NCKAP5: variants seen among roughly 807,000 people sequenced by gnomAD.
The protein encoded by NCKAP5 is nck-associated protein 5.
NCKAP5 carries 92 observed loss-of-function variants against 167.0 expected under a neutral mutation model. The observed-to-expected ratio is 0.55, with a 90% CI of 0.47 to 0.66. NCKAP5 has a LOEUF of 0.66. NCKAP5 is among the 30% of genes least tolerant of loss of function. The probability of loss-of-function intolerance (pLI) is 0.00; values close to 1 mark genes in which losing one functional copy is unlikely to be tolerated. For missense variants in NCKAP5, 2,378 were observed against 2,315.0 expected (o/e 1.03, Z -0.56); for synonymous variants, 891 against 877.4 (o/e 1.02, Z -0.27).
chr2:133,500,220 C>A (rs1238579871), intron 3 of NCKAP5, among the ~76,000 whole-genome samples: 3 of 152,084 alleles, frequency 2.0e-5, no homozygotes, highest in Admixed American at 6.5e-5. Context: ...ATTAATTCAA[C>A]AATAATATGA....
intron 11 of NCKAP5, among the ~76,000 whole-genome samples, chr2:132,837,503 A>C (rs1283576991): frequency 6.6e-6 from 1 of 151,860 alleles, no homozygotes; most frequent in East Asian, 1.9e-4. Flanking sequence ...TGTGGTTATC[A>C]TATTTTTAAT....
chr2:133,000,457 A>G (rs2077740963), intron 6 of NCKAP5, among the ~76,000 whole-genome samples: 1 of 152,208 alleles, frequency 6.6e-6, no homozygotes, highest in Non-Finnish European at 1.5e-5. Flanking sequence ...GGACCAGCAT[A>G]CTTCCCATAT....
chr2:132,759,241 C>T (rs1680804557), intron 16 of NCKAP5, among the ~76,000 whole-genome samples: 1 of 151,988 alleles, frequency 6.6e-6, no homozygotes, highest in African/African-American at 2.4e-5. Flanking sequence ...TTTGTCTGTC[C>T]TTTCCACTGT....
At chr2:133,431,917 G>A (rs897043541) in intron 3 of NCKAP5, 1 of 152,120 alleles carries the variant, frequency 6.6e-6, no homozygotes, top group African/African-American at 2.4e-5. Context: ...GGTGGTTACT[G>A]ATTTATAACT....
the NCKAP5 span, among the ~76,000 whole-genome samples, chr2:133,580,303 T>A: frequency 6.6e-6 from 1 of 152,212 alleles, no homozygotes; most frequent in African/African-American, 2.4e-5. Context: ...AATCCTATGT[T>A]GCAAATTATT....
intron 15 of NCKAP5, among the ~76,000 whole-genome samples, chr2:132,774,539 A>C (rs1276106265): frequency 6.6e-6 from 1 of 152,028 alleles, no homozygotes. Flanking sequence ...CAGGCACTAG[A>C]TTGGGCAGCA....
rs2083917582 is a variant in NCKAP5 at position 133,164,340 on chromosome 2, G to GT, written c.208-34230dup. The stretch of plus-strand genomic sequence containing the variant: ...ACAGGAAGAGGAAAGATGATAGAAG[G>GT]TAAAAACGAGCTCTGGAGTGAGAGC... On this transcript the variant is annotated intron_variant, in intron 5 of 19. Transcript: ENST00000409261. 2.0e-5 allele frequency among the ~76,000 whole-genome samples: 3 copies of GT among 152,270 alleles called. No individual in the cohort carries two copies. In the South Asian group the frequency reaches 6.2e-4, roughly 32 times the overall value.
At chr2:133,325,122 C>T (rs112865607) in intron 3 of NCKAP5, among the ~76,000 whole-genome samples, 23 of 152,334 alleles carry the variant, frequency 1.5e-4, no homozygotes, top group African/African-American at 5.1e-4. Flanking sequence ...TGGACGATGT[C>T]TCCTTCCATC....
intron 3 of NCKAP5, among the ~76,000 whole-genome samples, chr2:133,357,124 G>T (rs1011656618): frequency 5.3e-5 from 8 of 152,054 alleles, no homozygotes; most frequent in African/African-American, 1.9e-4. Flanking sequence ...TACTCAGAAG[G>T]GTCCCTATTA....
At chr2:133,283,595 T>G (rs937054764) in intron 4 of NCKAP5, among the ~76,000 whole-genome samples, 1 of 151,072 alleles carries the variant, frequency 6.6e-6, no homozygotes, top group South Asian at 2.1e-4. Context: ...ATTCAAAAGA[T>G]AATAAAGCTG....
the NCKAP5 span, among the ~76,000 whole-genome samples, chr2:133,589,611 T>C: frequency 1.3e-5 from 2 of 152,102 alleles, no homozygotes; most frequent in Non-Finnish European, 2.9e-5. Flanking sequence ...GAAGTCCACA[T>C]AAATAAAGAA....
chr2:132,771,420 C>CA, intron 16 of NCKAP5, among the ~76,000 whole-genome samples: 1 of 152,166 alleles, frequency 6.6e-6, no homozygotes, highest in East Asian at 1.9e-4. Flanking sequence ...ATCACAAAGT[C>CA]AAAACGTTAA....
the NCKAP5 span, among the ~76,000 whole-genome samples, chr2:133,654,444 G>C: frequency 6.6e-6 from 1 of 152,020 alleles, no homozygotes; most frequent in Non-Finnish European, 1.5e-5. Flanking sequence ...GGATTATCAA[G>C]ATGACATAAA....
chr2:133,018,945 A>G (rs578051671), intron 6 of NCKAP5, among the ~76,000 whole-genome samples: 54 of 152,368 alleles, frequency 3.5e-4, no homozygotes, highest in African/African-American at 1.3e-3. Flanking sequence ...AAAGTCAACC[A>G]TTAGAGGTTC....
chr2:133,437,869 A>G (rs138453581), intron 3 of NCKAP5, among the ~76,000 whole-genome samples: 60 of 152,358 alleles, frequency 3.9e-4, no homozygotes, highest in Non-Finnish European at 6.9e-4. Flanking sequence ...AGAGTTTAGC[A>G]TGGTGCCTGT....
At chr2:132,732,832 G>C (rs1350384663) in intron 16 of NCKAP5, among the ~76,000 whole-genome samples, 1 of 152,202 alleles carries the variant, frequency 6.6e-6, no homozygotes, top group African/African-American at 2.4e-5. Flanking sequence ...TAATTTGACT[G>C]TGGGGACAAG....
intron 6 of NCKAP5, among the ~76,000 whole-genome samples, chr2:133,086,556 C>T (rs984581291): frequency 6.6e-6 from 1 of 151,990 alleles, no homozygotes; most frequent in Admixed American, 6.6e-5. Context: ...GTGGGAGGAT[C>T]GCCTGAGCCT....
At chr2:133,074,474 C>T (rs559735861) in intron 6 of NCKAP5, among the ~76,000 whole-genome samples, 59 of 152,260 alleles carry the variant, frequency 3.9e-4, no homozygotes, top group South Asian at 1.0e-3. Flanking sequence ...GATCCTCCCA[C>T]CTCAGCCTCC....
intron 3 of NCKAP5, among the ~76,000 whole-genome samples, chr2:133,483,163 A>T (rs1019122415): frequency 7.2e-5 from 11 of 152,258 alleles, no homozygotes; most frequent in African/African-American, 2.6e-4. Context: ...AGTAGCTCCA[A>T]ATACACAAGT....
Sources: allele counts gnomAD v4.1 joint callset (sites outside exome capture counted in the v4.1 genomes callset), GRCh38; gene constraint gnomAD v4.1.1; transcripts MANE v1.5; gene names NCBI Gene and HGNC (gene_info 2026-07-23, HGNC 2026-07-21).